Variants in DNAH5 observed in about 807,000 individuals in gnomAD.
DNAH5 encodes the protein axonemal beta dynein heavy chain 5.
DNAH5 carries 372 observed loss-of-function variants against 518.2 expected under a neutral mutation model. The ratio of observed to expected loss-of-function variants is 0.72; its 90% CI spans 0.66 to 0.78. The LOEUF (loss-of-function observed/expected upper bound fraction) is 0.78. DNAH5 is among the 30% of genes least tolerant of loss of function. The pLI, the probability that DNAH5 is intolerant of heterozygous loss-of-function variation, is 0.00. For missense variants in DNAH5, 5,523 were observed against 5,687.0 expected (o/e 0.97, Z 0.93); for synonymous variants, 2,039 against 2,025.9 (o/e 1.01, Z -0.17).
At chr5:13,748,278 A>G (rs558715757) in intron 65 of DNAH5, among the ~76,000 whole-genome samples, 1 of 152,108 alleles carries the variant, frequency 6.6e-6, no homozygotes, top group Non-Finnish European at 1.5e-5. Context: ...TTTCGTTACT[A>G]TAACCTTGTA....
At chr5:13,886,246 C>A (rs1256005954) in intron 17 of DNAH5, 117 bp from the exon 18 acceptor site, 1 of 1,033,896 alleles carries the variant, frequency 9.7e-7, no homozygotes, top group Non-Finnish European at 1.4e-6. Flanking sequence ...GAGATTTCAG[C>A]CCCAGTGATG....
At chr5:13,708,438 C>T in intron 75 of DNAH5, 103 bp from the exon 76 acceptor site, 1 of 981,960 alleles carries the variant, frequency 1.0e-6, no homozygotes, top group Non-Finnish European at 1.6e-6. Flanking sequence ...CTTACTATTC[C>T]ATAAATAATA....
intron 35 of DNAH5, among the ~76,000 whole-genome samples, chr5:13,833,541 C>G (rs572630178): frequency 6.6e-6 from 1 of 152,066 alleles, no homozygotes; most frequent in African/African-American, 2.4e-5. Context: ...ACGCCCTGTG[C>G]TGGGTACTTA....
intron 14 of DNAH5, chr5:13,900,748 T>C: frequency 2.8e-6 from 1 of 351,068 alleles, no homozygotes; most frequent in South Asian, 3.2e-5. Context: ...CTAATAAAAG[T>C]TTCGTAAGAC....
rs1769160417 is a variant in DNAH5, at chr5:13,865,797, A to G, written c.4226T>C (p.Leu1409Pro). The change falls in exon 27 of 79, where the codon CTA becomes CCA. Residue 1409 changes from leucine (L) to proline (P), a missense_variant. Coordinates refer to ENST00000265104, the MANE Select transcript of DNAH5 (RefSeq NM_001369.3). ...AGTATATATTTTCTGTAGAAGATTT[A>G]GTTGCTTCTTTATTTCAAGAAGCTG... ...YPQLLEIKKQ[L>P]NLLQKIYTLY... The G allele has an allele frequency of 6.2e-7, 1 of 1,613,258 alleles. No individual in the cohort carries two copies.
chr5:13,826,340 A>G (rs1762885558), intron 38 of DNAH5, among the ~76,000 whole-genome samples: 1 of 152,180 alleles, frequency 6.6e-6, no homozygotes, highest in South Asian at 2.1e-4. Flanking sequence ...ACAGCATGGA[A>G]AAAATATTTA....
At chr5:13,727,733 C>G in intron 69 of DNAH5, 77 bp from the exon 70 acceptor site, 1 of 1,511,794 alleles carries the variant, frequency 6.6e-7, no homozygotes, top group East Asian at 2.3e-5. Context: ...TATGTTTCAT[C>G]AAACCTCTGA....
chr5:13,956,575 T>G (rs779883354), intron 1 of DNAH5, among the ~76,000 whole-genome samples: 7 of 152,196 alleles, frequency 4.6e-5, no homozygotes, highest in Admixed American at 2.6e-4. Context: ...CATAAGTAAG[T>G]GTAAAAGGCA....
At chr5:13,873,696 T>A (rs1475460809) in intron 22 of DNAH5, among the ~76,000 whole-genome samples, 1 of 152,148 alleles carries the variant, frequency 6.6e-6, no homozygotes, top group East Asian at 1.9e-4. Flanking sequence ...AGACGAGATC[T>A]CACTGTGTTA....
chr5:13,716,093 G>A (rs1380998524), intron 74 of DNAH5, among the ~76,000 whole-genome samples: 1 of 152,190 alleles, frequency 6.6e-6, no homozygotes, highest in African/African-American at 2.4e-5. Flanking sequence ...CAAATGGATT[G>A]GAAAACAGAA....
intron 57 of DNAH5, 84 bp downstream of exon 57, chr5:13,769,417 T>C (rs1752999946): frequency 2.6e-5 from 29 of 1,108,756 alleles, no homozygotes; most frequent in South Asian, 2.5e-5. Context: ...TCACTAGTTA[T>C]AGCCAGTGAA....
intron 1 of DNAH5, among the ~76,000 whole-genome samples, chr5:14,001,410 C>G (rs1784342670): frequency 6.6e-6 from 1 of 152,196 alleles, no homozygotes; most frequent in African/African-American, 2.4e-5. Flanking sequence ...GTCGTCCAGA[C>G]TGGAGTGCAG....
rs538022612 is a variant in DNAH5, at chr5:13,862,441, T to A, written c.4796+107A>T. 28 of 1,089,744 alleles carry A rather than the reference T, an allele frequency of 2.6e-5. No individual in the cohort carries two copies. In the African/African-American group the frequency reaches 3.6e-4, roughly 14 times the overall value. The allele number at this position is 1,089,744 out of a possible 1,614,324, so 67.5% of individuals were successfully genotyped here. ...GTAATTAAAACAAGTATTTTCAACATTGAGTAAACTATATGAAGGCTATTA... is the reference window on the plus strand; with the variant it reads ...GTAATTAAAACAAGTATTTTCAACAATGAGTAAACTATATGAAGGCTATTA... On this transcript the variant is annotated intron_variant, in intron 29 of 78. Coordinates refer to ENST00000265104, the MANE Select transcript of DNAH5 (RefSeq NM_001369.3).
At chr5:13,904,546 T>C (rs924483302) in intron 12 of DNAH5, among the ~76,000 whole-genome samples, 7 of 151,422 alleles carry the variant, frequency 4.6e-5, no homozygotes, top group Non-Finnish European at 7.4e-5. Context: ...TATGTGTGTG[T>C]GTGTGTTTGT....
At chr5:13,972,585 T>C (rs1781951216) in intron 1 of DNAH5, among the ~76,000 whole-genome samples, 1 of 152,178 alleles carries the variant, frequency 6.6e-6, no homozygotes, top group Admixed American at 6.5e-5. Context: ...TAAGGTCAAA[T>C]CCTTCTCCTG....
intron 1 of DNAH5, among the ~76,000 whole-genome samples, chr5:13,967,432 G>T (rs1781599208): frequency 6.6e-6 from 1 of 152,068 alleles, no homozygotes; most frequent in Non-Finnish European, 1.5e-5. Flanking sequence ...GTTGAATAGG[G>T]TGCTCTTCCC....
At chr5:13,892,103 T>C (rs925312854) in intron 16 of DNAH5, among the ~76,000 whole-genome samples, 18 of 101,114 alleles carry the variant, frequency 1.8e-4, no homozygotes, top group Admixed American at 4.0e-4. Flanking sequence ...AGCCTAAAAG[T>C]TTTCTATTTT....
chr5:13,923,555 T>A, intron 3 of DNAH5, 115 bp from the exon 4 acceptor site: 1 of 1,131,144 alleles, frequency 8.8e-7, no homozygotes, highest in Non-Finnish European at 1.3e-6. Context: ...CCATGTGCCT[T>A]AGATGGGTCC....
chr5:13,778,592 A>AAGAAAGAAAGAGAGAG (rs1561234707), intron 53 of DNAH5, among the ~76,000 whole-genome samples: 1 of 51,494 alleles, frequency 1.9e-5, no homozygotes, highest in African/African-American at 6.9e-5. Flanking sequence ...GAAAGAAAGA[A>AAGAAAGAAAGAGAGAG]AGAAAGAGAG....
Sources: allele counts gnomAD v4.1 joint callset (sites outside exome capture counted in the v4.1 genomes callset), GRCh38; gene constraint gnomAD v4.1.1; transcripts MANE v1.5; gene names NCBI Gene and HGNC (gene_info 2026-07-23, HGNC 2026-07-21).